CPAMD8: variants seen among roughly 807,000 people sequenced by gnomAD.
The protein encoded by CPAMD8 is C3 and PZP-like alpha-2-macroglobulin domain-containing protein 8.
A neutral mutation model predicts 224.7 loss-of-function variants in CPAMD8; 146 were observed. The observed-to-expected ratio is 0.65, with a 90% CI of 0.57 to 0.75. The LOEUF is 0.75. CPAMD8 is among the 30% of genes least tolerant of loss of function. CPAMD8 has a pLI of 0.00. For missense variants in CPAMD8, 2,301 were observed against 2,537.5 expected, an observed-to-expected ratio of 0.91 and a Z score of 2.00; for synonymous variants, 966 against 1,044.6, an observed-to-expected ratio of 0.92 and a Z score of 1.45.
At chr19:16,976,766 G>T (rs1171790952) in intron 15 of CPAMD8, among the ~76,000 whole-genome samples, 1 of 151,996 alleles carries the variant, frequency 6.6e-6, no homozygotes, top group Non-Finnish European at 1.5e-5. Flanking sequence ...GAGGAGCCAG[G>T]CGCAGTGGCT....
intron 3 of CPAMD8, among the ~76,000 whole-genome samples, chr19:17,012,106 G>A (rs1599911474): frequency 6.6e-6 from 1 of 152,040 alleles, no homozygotes; most frequent in Non-Finnish European, 1.5e-5. Flanking sequence ...TGCAACCTCT[G>A]TCTCCCAGCT....
intron 20 of CPAMD8, among the ~76,000 whole-genome samples, chr19:16,950,890 C>T (rs1019267070): frequency 2.6e-5 from 4 of 151,830 alleles, no homozygotes; most frequent in African/African-American, 7.3e-5. Context: ...CTGATGACAC[C>T]TTGCCTTCAC....
chr19:16,985,326 A>G (rs184090396), intron 13 of CPAMD8, among the ~76,000 whole-genome samples: 22 of 141,182 alleles, frequency 1.6e-4, no homozygotes, highest in African/African-American at 5.9e-4. Context: ...TGAAGGGTGG[A>G]TGAATGGATG....
rs765292515 is a variant in CPAMD8, at chr19:17,008,513, A to C, written c.551T>G (p.Phe184Cys). 21 of 1,613,022 alleles carry C rather than the reference A, an allele frequency of 1.3e-5. No individual in the cohort carries two copies. Among genetic ancestry groups the C allele is most frequent in the Non-Finnish European group, 1.7e-5 (20 of 1,180,028 alleles). The change falls in exon 7 of 42, where the codon TTC becomes TGC. Residue 184 changes from phenylalanine (F) to cysteine (C), a missense_variant. Around this residue, in one of 4 missense-constraint regions of CPAMD8, gnomAD observed 283 missense variants for 340.6 expected, o/e 0.83. Coordinates refer to ENST00000443236, the MANE Select transcript of CPAMD8 (RefSeq NM_015692.5). ...CAGAGGAAGAAACTTACCGCAGCAG[A>C]ACGGCTTTAAGTGTCTCCACTCTAT... is the stretch of plus-strand genomic sequence containing the variant. Reference protein sequence around the residue: ...RMIEWRHLKPFCCGITNMSFP... With the variant: ...RMIEWRHLKPCCCGITNMSFP...
At chr19:17,003,134 C>T (rs2056385423) in intron 8 of CPAMD8, among the ~76,000 whole-genome samples, 1 of 151,720 alleles carries the variant, frequency 6.6e-6, no homozygotes, top group Non-Finnish European at 1.5e-5. Flanking sequence ...AACTCCTGAC[C>T]TCTAGTGATC....
At chr19:16,947,891 A>T (rs563058981) in intron 20 of CPAMD8, among the ~76,000 whole-genome samples, 2 of 152,260 alleles carry the variant, frequency 1.3e-5, no homozygotes, top group East Asian at 3.9e-4. Flanking sequence ...ATGGGTACAG[A>T]GGTGCTATGG....
intron 10 of CPAMD8, 39 bp downstream of exon 10, chr19:17,000,375 G>A (rs755094959): frequency 1.3e-6 from 1 of 790,226 alleles, no homozygotes; most frequent in South Asian, 1.4e-5. Flanking sequence ...GTGAACCTGG[G>A]GGTTGGGTCA....
rs1229602186 is a variant in CPAMD8 at position 16,897,698 on chromosome 19, C to T, written c.5058G>A (p.Arg1686=). The change falls in exon 39 of 42, where the codon CGG becomes CGA. Residue 1686 remains arginine (R), a synonymous_variant. Coordinates refer to ENST00000443236, the MANE Select transcript of CPAMD8 (RefSeq NM_015692.5). The part of the protein sequence containing the change: ...ACNEVERAPA[R]GPGWFPGESG... ...GTGGCTCCGCGCACTCACCCGGGCC[C>T]CGGGCAGGGGCGCGCTCCACTTCGT... 3 of 1,530,442 alleles carry T rather than the reference C, an allele frequency of 2.0e-6. No homozygotes were observed. The highest frequency in any genetic ancestry group is 2.4e-5 in the East Asian group (1 of 41,090). The allele number at this position is 1,530,442 out of a possible 1,614,324, so 94.8% of individuals were successfully genotyped here.
At chr19:16,939,908 T>G (rs1302027349) in intron 22 of CPAMD8, among the ~76,000 whole-genome samples, 1 of 151,858 alleles carries the variant, frequency 6.6e-6, no homozygotes, top group African/African-American at 2.4e-5. Context: ...TGGGTTTTTT[T>G]TGTTTTTGTT....
At chr19:16,962,994 A>G (rs1416098704) in intron 18 of CPAMD8, among the ~76,000 whole-genome samples, 1 of 152,248 alleles carries the variant, frequency 6.6e-6, no homozygotes, top group Non-Finnish European at 1.5e-5. Context: ...GCAAATGCTG[A>G]GAGATTTTGT....
intron 41 of CPAMD8, chr19:16,895,927 A>ACACACACG (rs146763898): frequency 5.8e-5 from 34 of 581,700 alleles, no homozygotes; most frequent in African/African-American, 4.0e-4. Flanking sequence ...ACACACACAC[A>ACACACACG]CGCGCGCGTG....
intron 30 of CPAMD8, 134 bp from the exon 31 acceptor site, chr19:16,904,686 AC>A (rs2052401524): frequency 2.9e-6 from 2 of 681,110 alleles, no homozygotes; most frequent in Admixed American, 2.2e-5. Context: ...TCAGGGGAAG[AC>A]AGCTGGAACA....
At chr19:16,967,380 C>T (rs2054864225) in intron 18 of CPAMD8, among the ~76,000 whole-genome samples, 1 of 151,858 alleles carries the variant, frequency 6.6e-6, no homozygotes, top group South Asian at 2.1e-4. Flanking sequence ...AGGAGTAATA[C>T]CTAATGTAAA....
At chr19:16,970,803 T>G in intron 18 of CPAMD8, 88 bp downstream of exon 18, 1 of 1,256,686 alleles carries the variant, frequency 8.0e-7, no homozygotes, top group Non-Finnish European at 1.1e-6. Context: ...TATGGTCTTC[T>G]GTTATAGCAG....
intron 23 of CPAMD8, among the ~76,000 whole-genome samples, chr19:16,929,767 G>C (rs960499150): frequency 1.3e-5 from 2 of 152,140 alleles, no homozygotes. Context: ...AGATGAGCAA[G>C]GTGTTGAAAA....
intron 7 of CPAMD8, 78 bp downstream of exon 7, chr19:17,008,427 C>A (rs2056551840): frequency 1.3e-6 from 2 of 1,546,266 alleles, no homozygotes; most frequent in African/African-American, 1.4e-5. Flanking sequence ...TAGCGGTGGG[C>A]CCTGGACAGA....
chr19:17,008,589 G>A (rs112480135), intron 6 of CPAMD8, 30 bp from the exon 7 acceptor site: 35 of 1,611,560 alleles, frequency 2.2e-5, no homozygotes, highest in African/African-American at 9.3e-5. Flanking sequence ...ACAGACACAC[G>A]GAGTGAACTC....
At chr19:16,904,105 T>C (rs2052372212) in intron 32 of CPAMD8, 121 bp downstream of exon 32, 6 of 1,165,896 alleles carry the variant, frequency 5.1e-6, no homozygotes, top group Non-Finnish European at 7.2e-6. Context: ...CCTGCCCTCT[T>C]TGGGGCTCCA....
At chr19:17,023,856 A>G (rs2057016974) in intron 1 of CPAMD8, among the ~76,000 whole-genome samples, 1 of 152,198 alleles carries the variant, frequency 6.6e-6, no homozygotes, top group Non-Finnish European at 1.5e-5. Context: ...TGCTGGGATT[A>G]CAGGCCCACT....
Sources: allele counts gnomAD v4.1 joint callset (sites outside exome capture counted in the v4.1 genomes callset), GRCh38; gene constraint gnomAD v4.1.1; regional missense constraint gnomAD v4.1.1; transcripts MANE v1.5; gene names NCBI Gene and HGNC (gene_info 2026-07-23, HGNC 2026-07-21).